The following PALM2AKAP2 variants were observed in gnomAD, a reference collection of about 807,000 sequenced individuals.
The protein encoded by PALM2AKAP2 is PALM2 and AKAP2 fusion.
PALM2AKAP2 carries 37 observed loss-of-function variants against 71.5 expected under a neutral mutation model. The ratio of observed to expected loss-of-function variants is 0.52; its 90% confidence interval spans 0.40 to 0.68. The LOEUF (loss-of-function observed/expected upper bound fraction) is 0.68. PALM2AKAP2 is among the 30% of genes least tolerant of loss of function. The probability of loss-of-function intolerance (pLI) is 0.00; values close to 1 mark genes in which losing one functional copy is unlikely to be tolerated. For synonymous variants in PALM2AKAP2, 468 were observed against 478.8 expected (o/e 0.98, Z 0.29); for missense variants, 1,224 against 1,191.8 (o/e 1.03, Z -0.40).
At chr9:110,087,892 G>C (rs1027731249) in intron 1 of PALM2AKAP2, among the ~76,000 whole-genome samples, 1 of 152,192 alleles carries the variant, frequency 6.6e-6, no homozygotes, top group Non-Finnish European at 1.5e-5. Flanking sequence ...GAGAAGGGAA[G>C]AAAGGGAATG....
intron 1 of PALM2AKAP2, among the ~76,000 whole-genome samples, chr9:109,697,030 A>G (rs1827981684): frequency 2.6e-5 from 4 of 152,272 alleles, no homozygotes; most frequent in Admixed American, 6.5e-5. Flanking sequence ...TGGTTTCTAT[A>G]TAAGATTCTC....
chr9:110,044,804 C>T (rs1442388619), upstream of PALM2AKAP2, among the ~76,000 whole-genome samples: 3 of 152,046 alleles, frequency 2.0e-5, no homozygotes, highest in East Asian at 5.8e-4. Context: ...TTTTATGATG[C>T]ACTGTCTTGC....
rs185467705 is a variant in PALM2AKAP2 at position 109,950,302 on chromosome 9, A to C, written c.496+18274A>C. ...AGCAAGACTCTGTCTCAAAAAAAAA[A>C]ACAAAAAAACAATTATCAGTTGGCC... On this transcript the variant is annotated intron_variant, in intron 6 of 9. Transcript: ENST00000302798. 2.2e-3 allele frequency among the ~76,000 whole-genome samples: 331 copies of C among 152,220 alleles called. 2 individuals are homozygous for C. Among genetic ancestry groups the C allele is most frequent in the African/African-American group, 7.7e-3 (319 of 41,510 alleles).
At chr9:110,142,971 C>A (rs995774977) in intron 2 of PALM2AKAP2, among the ~76,000 whole-genome samples, 3 of 152,202 alleles carry the variant, frequency 2.0e-5, no homozygotes, top group African/African-American at 7.2e-5. Flanking sequence ...TATTGTAATG[C>A]ATCCATTTCA....
intron 7 of PALM2AKAP2, among the ~76,000 whole-genome samples, chr9:110,040,848 G>C (rs1833500117): frequency 6.6e-6 from 1 of 152,186 alleles, no homozygotes; most frequent in African/African-American, 2.4e-5. Context: ...CTGTTTTCCA[G>C]CATTCTATCT....
intron 2 of PALM2AKAP2, among the ~76,000 whole-genome samples, chr9:110,141,450 A>G (rs941709955): frequency 5.3e-5 from 8 of 152,258 alleles, no homozygotes; most frequent in African/African-American, 1.9e-4. Context: ...CGGGCTTCCC[A>G]GAATTACAAC....
chr9:109,715,874 CA>C (rs1828312003), intron 1 of PALM2AKAP2, among the ~76,000 whole-genome samples: 1 of 152,132 alleles, frequency 6.6e-6, no homozygotes, highest in East Asian at 1.9e-4. Context: ...CTTTGTTAAG[CA>C]AATATACTCT....
At chr9:109,650,347 A>G (rs968369975) in intron 1 of PALM2AKAP2, among the ~76,000 whole-genome samples, 3 of 151,710 alleles carry the variant, frequency 2.0e-5, no homozygotes, top group African/African-American at 7.2e-5. Context: ...TGTTTGGCAG[A>G]TAATTCTTAT....
intron 6 of PALM2AKAP2, among the ~76,000 whole-genome samples, chr9:109,962,558 A>G (rs1008739978): frequency 9.2e-5 from 14 of 152,340 alleles, no homozygotes; most frequent in Admixed American, 6.5e-4. Flanking sequence ...CAATTAAAGC[A>G]TAAGTAAGAT....
chr9:109,825,620 T>A (rs1423853768), intron 1 of PALM2AKAP2, among the ~76,000 whole-genome samples: 4 of 152,170 alleles, frequency 2.6e-5, no homozygotes, highest in African/African-American at 9.7e-5. Context: ...AAAATGCTCA[T>A]CATCACTGGC....
chr9:110,024,780 C>G (rs1402246974), intron 7 of PALM2AKAP2: 1 of 634,542 alleles, frequency 1.6e-6, no homozygotes, highest in Non-Finnish European at 2.7e-6. Flanking sequence ...GAGTATGACC[C>G]TGTCTTAAAA....
chr9:109,747,280 A>G (rs571342834), intron 1 of PALM2AKAP2, among the ~76,000 whole-genome samples: 3 of 152,288 alleles, frequency 2.0e-5, no homozygotes, highest in Admixed American at 2.0e-4. Flanking sequence ...CCAGGCCACC[A>G]CGCTGATTTT....
At chr9:110,136,959 G>C (rs780986984) in exon 2 of PALM2AKAP2, 2 of 1,614,158 alleles carry the variant, frequency 1.2e-6, no homozygotes, top group African/African-American at 1.3e-5. Context: ...GCAGCAAAAT[G>C]GTGGAATCCC....
chr9:110,035,570 A>G (rs889019693), intron 7 of PALM2AKAP2, among the ~76,000 whole-genome samples: 8 of 143,736 alleles, frequency 5.6e-5, no homozygotes, highest in African/African-American at 2.0e-4. Flanking sequence ...TATATAGGAT[A>G]TGTTGTGTTA....
At chr9:109,836,579 C>T (rs1465690229) in intron 1 of PALM2AKAP2, among the ~76,000 whole-genome samples, 1 of 152,210 alleles carries the variant, frequency 6.6e-6, no homozygotes, top group African/African-American at 2.4e-5. Flanking sequence ...TCAAACTTCT[C>T]CGAGCTAAAG....
At chr9:110,156,363 G>A (rs776661479) in exon 3 of PALM2AKAP2, 1 of 1,609,358 alleles carries the variant, frequency 6.2e-7, no homozygotes, top group Non-Finnish European at 8.5e-7. Flanking sequence ...CACCACTGAA[G>A]GCCCCAGCTT....
At chr9:109,922,186 G>A (rs1830846854) in intron 3 of PALM2AKAP2, among the ~76,000 whole-genome samples, 1 of 151,962 alleles carries the variant, frequency 6.6e-6, no homozygotes, top group Non-Finnish European at 1.5e-5. Context: ...TTGGGAGCCT[G>A]AGGCAGGAGG....
intron 1 of PALM2AKAP2, among the ~76,000 whole-genome samples, chr9:110,066,854 G>GC (rs1834090853): frequency 6.6e-6 from 1 of 151,982 alleles, no homozygotes; most frequent in East Asian, 1.9e-4. Context: ...ATACTCTTTA[G>GC]TATCTGTTTG....
intron 1 of PALM2AKAP2, among the ~76,000 whole-genome samples, chr9:109,698,503 C>G (rs949699361): frequency 6.6e-6 from 1 of 151,982 alleles, no homozygotes; most frequent in Non-Finnish European, 1.5e-5. Flanking sequence ...GGTCTTGAAC[C>G]CCTGACCTCA....
Sources: allele counts gnomAD v4.1 joint callset (sites outside exome capture counted in the v4.1 genomes callset), GRCh38; gene constraint gnomAD v4.1.1; transcripts MANE v1.5; gene names NCBI Gene and HGNC (gene_info 2026-07-23, HGNC 2026-07-21).